Variants in MAGI1 observed in about 807,000 individuals in gnomAD.
The protein encoded by MAGI1 is membrane-associated guanylate kinase, WW and PDZ domain-containing protein 1.
Under a neutral mutation model 139.9 loss-of-function variants are expected in MAGI1, and 58 were observed. The observed-to-expected ratio is 0.41, with a 90% CI of 0.34 to 0.52. The LOEUF (loss-of-function observed/expected upper bound fraction) is 0.52. MAGI1 is among the 20% of genes least tolerant of loss of function. The pLI is 0.12. For missense variants in MAGI1, 1,874 were observed against 1,901.6 expected (o/e 0.99, Z 0.27); for synonymous variants, 812 against 737.9 (o/e 1.10, Z -1.63).
rs1385992411 is a variant in MAGI1 at position 65,414,856 on chromosome 3, A to C, written c.2168-13386T>G. Among the ~76,000 whole-genome samples the C allele has an allele frequency of 2.5e-4, 15 of 61,052 alleles. No homozygotes were observed. The Admixed American group carries it at 2.5e-3, about 10-fold the overall frequency. 40.1% of individuals were successfully genotyped at this position (61,052 alleles called of 152,430 possible). On this transcript the variant is annotated intron_variant, in intron 12 of 22. Coordinates refer to ENST00000402939, the MANE Select transcript of MAGI1 (RefSeq NM_001033057.2). ...AACATGGAGAAACCCCGTCTCTACT[A>C]AAAAAAAAAAAAAAAATACAAAATT...
At chr3:65,930,930 A>T (rs1348694459) in intron 1 of MAGI1, among the ~76,000 whole-genome samples, 2 of 151,806 alleles carry the variant, frequency 1.3e-5, no homozygotes, top group African/African-American at 4.8e-5. Context: ...TGAATAATCC[A>T]CCCCTTGTTT....
At chr3:65,574,638 C>T (rs1262852320) in intron 2 of MAGI1, among the ~76,000 whole-genome samples, 1 of 151,740 alleles carries the variant, frequency 6.6e-6, no homozygotes, top group Non-Finnish European at 1.5e-5. Flanking sequence ...TATTGAAGGA[C>T]CTAGAATAGC....
intron 1 of MAGI1, among the ~76,000 whole-genome samples, chr3:65,735,819 C>A (rs7640680): frequency 6.6e-6 from 1 of 152,066 alleles, no homozygotes. Flanking sequence ...CATTGATGTC[C>A]GCTGCCGCTC....
intron 2 of MAGI1, among the ~76,000 whole-genome samples, chr3:65,565,411 G>A (rs1355564104): frequency 6.6e-6 from 1 of 152,124 alleles, no homozygotes; most frequent in Non-Finnish European, 1.5e-5. Context: ...TAGTAGTTAA[G>A]AAAATCAAAA....
intron 2 of MAGI1, among the ~76,000 whole-genome samples, chr3:65,503,165 G>C (rs989884978): frequency 3.3e-5 from 5 of 152,176 alleles, no homozygotes; most frequent in African/African-American, 1.2e-4. Flanking sequence ...GTTTGGGTCT[G>C]TGTCTAATCA....
At chr3:65,865,407 G>A (rs760887219) in intron 1 of MAGI1, among the ~76,000 whole-genome samples, 3 of 152,026 alleles carry the variant, frequency 2.0e-5, no homozygotes, top group Non-Finnish European at 4.4e-5. Context: ...ACCTGCCTAG[G>A]CAACATGGTG....
At chr3:65,983,986 G>C (rs2065735261) in intron 1 of MAGI1, among the ~76,000 whole-genome samples, 1 of 152,104 alleles carries the variant, frequency 6.6e-6, no homozygotes, top group Non-Finnish European at 1.5e-5. Flanking sequence ...AATAGTAATT[G>C]AGTGCCTTCT....
chr3:65,642,699 C>T (rs1220470528), intron 1 of MAGI1, among the ~76,000 whole-genome samples: 2 of 152,142 alleles, frequency 1.3e-5, no homozygotes, highest in Non-Finnish European at 2.9e-5. Flanking sequence ...TTGCTTTTCT[C>T]CCCATAATTA....
At chr3:65,663,640 G>A (rs1238418208) in intron 1 of MAGI1, among the ~76,000 whole-genome samples, 1 of 152,298 alleles carries the variant, frequency 6.6e-6, no homozygotes. Flanking sequence ...CCAGGGTTCA[G>A]GACAGTGAGC....
intron 2 of MAGI1, among the ~76,000 whole-genome samples, chr3:65,550,957 C>A (rs1414282523): frequency 2.0e-5 from 3 of 152,074 alleles, no homozygotes; most frequent in Non-Finnish European, 4.4e-5. Flanking sequence ...GCAACAGAGA[C>A]CCTGTCTTAA....
intron 1 of MAGI1, among the ~76,000 whole-genome samples, chr3:65,658,314 TACA>T (rs1439354444): frequency 6.6e-6 from 1 of 152,146 alleles, no homozygotes; most frequent in Non-Finnish European, 1.5e-5. Flanking sequence ...CAAATAGCAA[TACA>T]TCAGTACAGG....
rs373218555 is a variant in MAGI1 at position 65,428,630 on chromosome 3, T to TGCAC, written c.2167+889_2167+890insGTGC. Among the ~76,000 whole-genome samples, 373 of 152,228 alleles carry TGCAC rather than the reference T, an allele frequency of 2.5e-3. 2 individuals carry two copies. Among genetic ancestry groups the TGCAC allele is most frequent in the African/African-American group, 8.8e-3 (366 of 41,534 alleles). On this transcript the variant is annotated intron_variant, in intron 12 of 22. Coordinates refer to ENST00000402939, the MANE Select transcript of MAGI1 (RefSeq NM_001033057.2). Reference sequence around the variant, plus strand: ...TCATAAATACCTAAAAGGAGTCAGGTGTTGTGTTAAATGCTGGGGATAACA... The same window carrying TGCAC: ...TCATAAATACCTAAAAGGAGTCAGGTGCACGTTGTGTTAAATGCTGGGGATAACA...
At chr3:65,972,402 A>G (rs2065055082) in intron 1 of MAGI1, among the ~76,000 whole-genome samples, 1 of 152,250 alleles carries the variant, frequency 6.6e-6, no homozygotes, top group Admixed American at 6.5e-5. Flanking sequence ...TCAGGTTCCT[A>G]TGTCTAAGAC....
At chr3:65,468,584 C>T (rs79034802) in intron 5 of MAGI1, among the ~76,000 whole-genome samples, 2,159 of 151,834 alleles carry the variant, frequency 0.014, 50 homozygotes, top group African/African-American at 0.049. Flanking sequence ...GCCATGTTGG[C>T]CAGGCTGGTC....
chr3:65,894,350 T>G (rs2060884771), intron 1 of MAGI1, among the ~76,000 whole-genome samples: 1 of 152,210 alleles, frequency 6.6e-6, no homozygotes, highest in Non-Finnish European at 1.5e-5. Flanking sequence ...CAATTTCCAT[T>G]ACATCATATT....
intron 13 of MAGI1, among the ~76,000 whole-genome samples, chr3:65,395,783 G>A (rs2107049698): frequency 6.6e-6 from 1 of 151,998 alleles, no homozygotes; most frequent in Non-Finnish European, 1.5e-5. Flanking sequence ...AAGGAGTTTG[G>A]GTTTCATTCT....
intron 1 of MAGI1, among the ~76,000 whole-genome samples, chr3:65,876,577 T>G (rs1358674667): frequency 3.9e-5 from 6 of 152,154 alleles, no homozygotes; most frequent in African/African-American, 1.4e-4. Flanking sequence ...GAACATATCA[T>G]TTCTAAATAT....
chr3:65,401,376 ACCT>A, intron 13 of MAGI1, 60 bp downstream of exon 13: 38 of 406,650 alleles, frequency 9.3e-5, no homozygotes, highest in Non-Finnish European at 1.4e-4. Flanking sequence ...GTACCCTCCC[ACCT>A]CCAGCCCCCC....
At chr3:65,745,212 G>A (rs1473034464) in intron 1 of MAGI1, among the ~76,000 whole-genome samples, 1 of 152,066 alleles carries the variant, frequency 6.6e-6, no homozygotes, top group East Asian at 1.9e-4. Flanking sequence ...TCTCAAATAA[G>A]GTGTAAGCTA....
Sources: gnomAD v4.1 joint callset for allele counts (sites outside exome capture counted in the v4.1 genomes callset) on GRCh38, gnomAD v4.1.1 for gene constraint, MANE v1.5 for transcripts, NCBI Gene and HGNC (gene_info 2026-07-23, HGNC 2026-07-21) for gene names.